Variants in ZCCHC7 observed in about 807,000 individuals in gnomAD.
ZCCHC7 encodes zinc finger CCHC domain-containing protein 7.
In ZCCHC7, 35 loss-of-function variants were observed where a neutral mutation model predicts 52.0. The observed-to-expected ratio is 0.67, with a 90% CI of 0.51 to 0.89. ZCCHC7 has a LOEUF of 0.89. ZCCHC7 is among the 40% of genes least tolerant of loss of function. The pLI is 0.00. For synonymous variants in ZCCHC7, 217 were observed against 221.5 expected, an observed-to-expected ratio of 0.98 and a Z score of 0.18; for missense variants, 574 against 649.1, an observed-to-expected ratio of 0.88 and a Z score of 1.26.
rs1437760895 is a variant in ZCCHC7, at chr9:37,356,927, C to T, written c.1291C>T (p.Arg431Cys). 24 of 1,613,438 alleles carry T rather than the reference C, an allele frequency of 1.5e-5. No individual in the cohort carries two copies. The highest frequency in any genetic ancestry group is 1.9e-5 in the Non-Finnish European group (23 of 1,179,872). ...ENPHHDIRKG[R>C]ASWKSNRWPQ... ...CCCCCACCATGATATAAGGAAGGGC[C>T]GTGCCTCATGGAAAAGCAACAGGTG... Residue 431 changes from arginine (R) to cysteine (C), a missense_variant, in exon 9 of 9, where the codon CGT becomes TGT. Physicochemically the swap from Arg to Cys is radical, Grantham distance 180 (BLOSUM62 -3). Transcript: ENST00000336755.
At chr9:37,297,855 C>A (rs760743247) in intron 2 of ZCCHC7, among the ~76,000 whole-genome samples, 1 of 152,222 alleles carries the variant, frequency 6.6e-6, no homozygotes, top group Non-Finnish European at 1.5e-5. Context: ...GAATGACGAT[C>A]TTCAGCTCTT....
At chr9:37,339,251 T>C (rs916583172) in intron 6 of ZCCHC7, among the ~76,000 whole-genome samples, 14 of 152,184 alleles carry the variant, frequency 9.2e-5, no homozygotes, top group African/African-American at 2.4e-4. Context: ...CTAGTATTCC[T>C]GAAAGGGAAG....
At chr9:37,344,223 A>G (rs1405421573) in intron 6 of ZCCHC7, among the ~76,000 whole-genome samples, 1 of 152,204 alleles carries the variant, frequency 6.6e-6, no homozygotes, top group African/African-American at 2.4e-5. Flanking sequence ...ATTTGTGAAC[A>G]TAGACCTTTT....
intron 2 of ZCCHC7, among the ~76,000 whole-genome samples, chr9:37,253,181 T>A (rs1169134092): frequency 1.3e-5 from 2 of 151,986 alleles, no homozygotes; most frequent in African/African-American, 4.8e-5. Context: ...TATTAAAAAA[T>A]CAACACAATG....
intron 5 of ZCCHC7, among the ~76,000 whole-genome samples, chr9:37,318,596 A>G (rs1056506476): frequency 1.3e-5 from 2 of 152,090 alleles, no homozygotes; most frequent in South Asian, 2.1e-4. Context: ...GTGTGTTTCT[A>G]TATATGTAGA....
intron 2 of ZCCHC7, among the ~76,000 whole-genome samples, chr9:37,221,336 AAG>A (rs1395950583): frequency 6.6e-6 from 1 of 152,202 alleles, no homozygotes; most frequent in Non-Finnish European, 1.5e-5. Context: ...GAAAAGGAGA[AAG>A]AAGAATGGCC....
chr9:37,203,715 C>G (rs912141113), intron 2 of ZCCHC7, among the ~76,000 whole-genome samples: 9 of 152,078 alleles, frequency 5.9e-5, no homozygotes, highest in Non-Finnish European at 8.8e-5. Flanking sequence ...CATTAATGGA[C>G]ATTTGGGTTG....
chr9:37,294,366 G>A (rs978097484), intron 2 of ZCCHC7, among the ~76,000 whole-genome samples: 1 of 152,180 alleles, frequency 6.6e-6, no homozygotes, highest in African/African-American at 2.4e-5. Flanking sequence ...TTAGGCTCAG[G>A]AAAGGATATG....
chr9:37,272,491 T>TTA (rs1554722175), intron 2 of ZCCHC7, among the ~76,000 whole-genome samples: 3 of 97,826 alleles, frequency 3.1e-5, no homozygotes, highest in Admixed American at 2.3e-4. Flanking sequence ...AGCTGTGTGG[T>TTA]AAAAAAAAAA....
intron 2 of ZCCHC7, among the ~76,000 whole-genome samples, chr9:37,133,729 C>T (rs186561083): frequency 7.0e-4 from 106 of 152,300 alleles, no homozygotes; most frequent in Non-Finnish European, 3.4e-4. Context: ...GCTGGGATTA[C>T]AGGCACGAGC....
At chr9:37,312,244 CA>C (rs2133754010) in intron 5 of ZCCHC7, among the ~76,000 whole-genome samples, 1 of 152,178 alleles carries the variant, frequency 6.6e-6, no homozygotes, top group East Asian at 1.9e-4. Context: ...TACCTTTATT[CA>C]AAAACATCTC....
chr9:37,338,398 A>G (rs75393284), intron 6 of ZCCHC7, among the ~76,000 whole-genome samples: 5,332 of 152,250 alleles, frequency 0.035, 291 homozygotes, highest in African/African-American at 0.12. Flanking sequence ...ACTGAAAAAG[A>G]TACAATGATG....
chr9:37,324,851 T>C (rs968471096), intron 5 of ZCCHC7, among the ~76,000 whole-genome samples: 9 of 152,198 alleles, frequency 5.9e-5, no homozygotes, highest in Admixed American at 4.6e-4. Flanking sequence ...TGTGGAAATA[T>C]GAGAACTGGT....
chr9:37,212,154 A>G (rs1468078181), intron 2 of ZCCHC7, among the ~76,000 whole-genome samples: 1 of 149,428 alleles, frequency 6.7e-6, no homozygotes, highest in African/African-American at 2.5e-5. Context: ...GTTACAACCT[A>G]GTGGCAGCTG....
intron 2 of ZCCHC7, among the ~76,000 whole-genome samples, chr9:37,285,537 G>T (rs896518943): frequency 6.6e-6 from 1 of 152,018 alleles, no homozygotes; most frequent in Non-Finnish European, 1.5e-5. Context: ...TGGGGAATGG[G>T]TCTAAGTATT....
At chr9:37,325,773 G>C (rs780067791) in intron 5 of ZCCHC7, among the ~76,000 whole-genome samples, 5 of 152,084 alleles carry the variant, frequency 3.3e-5, no homozygotes, top group South Asian at 2.1e-4. Flanking sequence ...AGAATGTTGA[G>C]TAAAAATACT....
At position 37,145,600 on chromosome 9, in the gene ZCCHC7, C is replaced by G. The variant is rs187035745; in HGVS notation, c.610+18658C>G. 3.6e-3 allele frequency among the ~76,000 whole-genome samples: 550 copies of G among 151,980 alleles called. 6 individuals carry two copies. Among genetic ancestry groups the G allele is most frequent in the Middle Eastern group, 6.8e-3 (2 of 294 alleles). Reference sequence around the variant, plus strand: ...AAACAAGCCTTAATTGAAAAGGAGGCAGCCTAAAAGTTGATTCTTTATGCT... The same window carrying G: ...AAACAAGCCTTAATTGAAAAGGAGGGAGCCTAAAAGTTGATTCTTTATGCT... On this transcript the variant is annotated intron_variant, in intron 2 of 8. Coordinates refer to ENST00000336755, the MANE Select transcript of ZCCHC7 (RefSeq NM_032226.3).
At chr9:37,248,152 T>G (rs1395728147) in intron 2 of ZCCHC7, among the ~76,000 whole-genome samples, 5 of 152,220 alleles carry the variant, frequency 3.3e-5, no homozygotes. Context: ...TACATTTGTA[T>G]AATGCTTTAA....
chr9:37,324,031 T>C (rs1830148819), intron 5 of ZCCHC7, among the ~76,000 whole-genome samples: 1 of 152,222 alleles, frequency 6.6e-6, no homozygotes, highest in South Asian at 2.1e-4. Flanking sequence ...TAGAATGGTT[T>C]TCTTGCCATG....
Sources: gnomAD v4.1 joint callset for allele counts (sites outside exome capture counted in the v4.1 genomes callset) on GRCh38, gnomAD v4.1.1 for gene constraint, MANE v1.5 for transcripts, NCBI Gene and HGNC (gene_info 2026-07-23, HGNC 2026-07-21) for gene names.